The following COL5A2 variants were observed in gnomAD, a reference collection of about 807,000 sequenced individuals.
COL5A2 encodes the protein collagen type V alpha 2 chain, also known as collagen alpha-2(V) chain.
Under a neutral mutation model 208.2 loss-of-function variants are expected in COL5A2, and 23 were observed. That is an observed-to-expected ratio of 0.11 (90% confidence interval 0.08 to 0.16). COL5A2 has a LOEUF of 0.16. Ranked by LOEUF, COL5A2 falls within the 10% of genes least tolerant of loss-of-function variation. The probability of loss-of-function intolerance (pLI) is 1.00; values close to 1 mark genes in which losing one functional copy is unlikely to be tolerated. For missense variants in COL5A2, 1,590 were observed against 1,956.4 expected (o/e 0.81, Z 3.53); for synonymous variants, 625 against 628.5 (o/e 0.99, Z 0.08).
chr2:189,071,664 T>C (rs1686277575), intron 18 of COL5A2, among the ~76,000 whole-genome samples: 1 of 152,172 alleles, frequency 6.6e-6, no homozygotes, highest in Admixed American at 6.6e-5. Flanking sequence ...CCTAACCTCC[T>C]ATTGTTTGGA....
At chr2:189,135,811 CCTAA>C (rs780831716) in intron 1 of COL5A2, among the ~76,000 whole-genome samples, 38 of 152,262 alleles carry the variant, frequency 2.5e-4, no homozygotes, top group African/African-American at 8.7e-4. Flanking sequence ...TATATATTGT[CCTAA>C]CTGTTTTATA....
chr2:189,422,761 AC>A, the COL5A2 span, among the ~76,000 whole-genome samples: 1 of 152,218 alleles, frequency 6.6e-6, no homozygotes, highest in Non-Finnish European at 1.5e-5. Flanking sequence ...GTGGTGGCTC[AC>A]ACCTGTAATT....
intron 1 of COL5A2, among the ~76,000 whole-genome samples, chr2:189,166,660 T>C (rs1688470434): frequency 6.6e-6 from 1 of 152,208 alleles, no homozygotes; most frequent in Non-Finnish European, 1.5e-5. Flanking sequence ...GTAGAGTGTC[T>C]ATGACAGCTG....
Position 189,068,056 on chromosome 2 carries a change from G to T in COL5A2, c.1360C>A (p.Pro454Thr). ...CCCTGAGGACCAGTGCTACCCTGAGGTCCTGGAGATCCAGGAGGCCCTGCT... is the reference window on the plus strand; with the variant it reads ...CCCTGAGGACCAGTGCTACCCTGAGTTCCTGGAGATCCAGGAGGCCCTGCT... ...GSAGPPGSPG[P>T]QGSTGPQGIR... Residue 454 changes from proline (P) to threonine (T), a missense_variant, in exon 21 of 54, where the codon CCT becomes ACT. Coordinates refer to ENST00000374866, the MANE Select transcript of COL5A2 (RefSeq NM_000393.5). 6.2e-7 allele frequency: 1 copy of T among 1,614,040 alleles called. No individual in the cohort carries two copies. Among genetic ancestry groups the T allele is most frequent in the Non-Finnish European group, 8.5e-7 (1 of 1,179,990 alleles).
chr2:189,049,304 C>G, intron 44 of COL5A2, 43 bp downstream of exon 44: 1 of 1,344,292 alleles, frequency 7.4e-7, no homozygotes, highest in Non-Finnish European at 1.1e-6. Flanking sequence ...GTTTCCATGA[C>G]ACCAGATAAC....
At chr2:189,388,864 T>C in the COL5A2 span, among the ~76,000 whole-genome samples, 5 of 152,222 alleles carry the variant, frequency 3.3e-5, no homozygotes, top group East Asian at 5.8e-4. Flanking sequence ...TCTAAGCACA[T>C]TTTATGTTCT....
At chr2:189,214,827 A>G (rs1689258872) in intron 1 of COL5A2, among the ~76,000 whole-genome samples, 2 of 152,174 alleles carry the variant, frequency 1.3e-5, no homozygotes, top group Non-Finnish European at 2.9e-5. Context: ...GTTTTCTTCC[A>G]TATGGATAAT....
At chr2:189,168,727 T>A (rs1338283490) in intron 1 of COL5A2, among the ~76,000 whole-genome samples, 2 of 152,118 alleles carry the variant, frequency 1.3e-5, no homozygotes, top group Non-Finnish European at 2.9e-5. Flanking sequence ...ATAAAAAAAA[T>A]TTAAAGTTGA....
chr2:189,210,335 A>G (rs1689196034), intron 1 of COL5A2, among the ~76,000 whole-genome samples: 1 of 152,088 alleles, frequency 6.6e-6, no homozygotes, highest in African/African-American at 2.4e-5. Flanking sequence ...GGCCGCAGAG[A>G]CTGGAATGAC....
chr2:189,128,419 T>G (rs545877355), intron 1 of COL5A2, among the ~76,000 whole-genome samples: 2 of 152,170 alleles, frequency 1.3e-5, no homozygotes, highest in East Asian at 3.9e-4. Context: ...AAAATCAGTT[T>G]CATAAAAATT....
At chr2:189,052,463 T>A (rs557726471) in intron 40 of COL5A2, among the ~76,000 whole-genome samples, 2 of 152,216 alleles carry the variant, frequency 1.3e-5, no homozygotes, top group South Asian at 2.1e-4. Context: ...CATTGATATT[T>A]TATACAATCA....
chr2:189,239,039 A>C, the COL5A2 span, among the ~76,000 whole-genome samples: 1 of 152,188 alleles, frequency 6.6e-6, no homozygotes, highest in Non-Finnish European at 1.5e-5. Flanking sequence ...GAGGCTAGGC[A>C]GGTAATATGA....
At chr2:189,424,116 T>A in the COL5A2 span, among the ~76,000 whole-genome samples, 1 of 152,148 alleles carries the variant, frequency 6.6e-6, no homozygotes, top group Non-Finnish European at 1.5e-5. Context: ...TTTCAATATA[T>A]TCAGAAAAAG....
In COL5A2 at chr2:189,178,953, C is replaced by T. The variant is rs532439326; in HGVS notation, c.97+555G>A. The stretch of plus-strand genomic sequence containing the variant: ...GCCTCCCAGTAAGCAAAAGTGATCA[C>T]ATTTTCACAAATGAAAATGGTAAAA... On this transcript the variant is annotated intron_variant, in intron 1 of 53. Transcript: ENST00000374866. Among the ~76,000 whole-genome samples, 8 of 152,174 alleles carry T rather than the reference C, an allele frequency of 5.3e-5. No homozygotes were observed. In the South Asian group the frequency reaches 1.7e-3, roughly 32 times the overall value.
In COL5A2 at chr2:189,033,478, C is replaced by CG. The variant is rs1685377630; in HGVS notation, c.*591dup. On this transcript the variant is annotated 3_prime_UTR_variant, in exon 54 of 54. Transcript: ENST00000374866. ...AAATTCTATTTAAGACAGTGAGAAA[C>CG]GTTTTTTTTTTTTTAAGATTCTCCT... The CG allele has an allele frequency of 6.6e-6, 1 of 150,504 alleles. No individual in the cohort carries two copies. Among genetic ancestry groups the CG allele is most frequent in the African/African-American group, 2.5e-5 (1 of 40,548 alleles). The allele number at this position is 150,504 out of a possible 1,614,324, so 9.3% of individuals were successfully genotyped here.
chr2:189,177,672 G>C (rs954297708), intron 1 of COL5A2, among the ~76,000 whole-genome samples: 5 of 152,006 alleles, frequency 3.3e-5, no homozygotes, highest in East Asian at 3.9e-4. Flanking sequence ...CTGTTCGCGG[G>C]GGGTACTGGG....
chr2:189,185,013 T>C (rs1221411193), intron 1 of COL5A2, among the ~76,000 whole-genome samples: 2 of 152,146 alleles, frequency 1.3e-5, no homozygotes, highest in East Asian at 3.9e-4. Flanking sequence ...ACAAATGGCA[T>C]ACTCTAATAT....
chr2:189,178,651 C>A (rs940518598), intron 1 of COL5A2, among the ~76,000 whole-genome samples: 5 of 143,804 alleles, frequency 3.5e-5, no homozygotes, highest in African/African-American at 1.0e-4. Flanking sequence ...TATAACCCAA[C>A]TGTAACATAT....
intron 1 of COL5A2, among the ~76,000 whole-genome samples, chr2:189,137,541 G>C (rs1687849191): frequency 6.6e-6 from 1 of 152,176 alleles, no homozygotes; most frequent in African/African-American, 2.4e-5. Context: ...AACAAAAAAT[G>C]ATACTTTTCA....
Sources: allele counts gnomAD v4.1 joint callset (sites outside exome capture counted in the v4.1 genomes callset), GRCh38; gene constraint gnomAD v4.1.1; transcripts MANE v1.5; gene names NCBI Gene and HGNC (gene_info 2026-07-23, HGNC 2026-07-21).